Variants in TRAPPC2 observed in about 807,000 individuals in gnomAD.
TRAPPC2 encodes the protein sedlin.
TRAPPC2 carries 4 observed loss-of-function variants against 10.0 expected under a neutral mutation model. The ratio of observed to expected loss-of-function variants is 0.40; its 90% CI spans 0.20 to 0.92. The LOEUF (loss-of-function observed/expected upper bound fraction) is 0.92. Ranked by LOEUF, TRAPPC2 falls within the 40% of genes least tolerant of loss-of-function variation. The probability of loss-of-function intolerance (pLI) is 0.35; values close to 1 mark genes in which losing one functional copy is unlikely to be tolerated. For missense variants in TRAPPC2, 52 were observed against 108.7 expected, an observed-to-expected ratio of 0.48 and a Z score of 2.32; for synonymous variants, 36 against 37.3, an observed-to-expected ratio of 0.97 and a Z score of 0.12.
chrX:13,728,450 G>A (rs2046603110), intron 2 of TRAPPC2, among the ~76,000 whole-genome samples: 1 of 111,727 alleles, frequency 9.0e-6, no homozygotes, highest in East Asian at 2.8e-4. Context: ...TTCAACATAC[G>A]CAAATCGATA....
At position 13,713,267 on chromosome X, in the gene TRAPPC2, T is replaced by G. The variant is rs1327574929; in HGVS notation, c.*1140A>C. On this transcript the variant is annotated 3_prime_UTR_variant, in exon 6 of 6. Transcript: ENST00000380579. The stretch of plus-strand genomic sequence containing the variant: ...GAGTTTGAAACCAGCCCGGCCAAAA[T>G]AGCGAAACCCCGTCTCTACTAAAAA... The G allele has an allele frequency of 1.1e-4, 12 of 109,107 alleles. No individual in the cohort carries two copies. Among genetic ancestry groups the G allele is most frequent in the African/African-American group, 4.0e-4 (12 of 29,966 alleles). The allele number at this position is 109,107 out of a possible 1,213,427, so 9.0% of individuals were successfully genotyped here.
chrX:13,732,491 G>A (rs1400253557), intron 2 of TRAPPC2, among the ~76,000 whole-genome samples: 2 of 112,972 alleles, frequency 1.8e-5, no homozygotes, highest in Admixed American at 9.3e-5. Flanking sequence ...AGGAACTGGC[G>A]CTGAGAAAGA....
intron 2 of TRAPPC2, among the ~76,000 whole-genome samples, chrX:13,729,382 T>A (rs1438727832): frequency 8.9e-6 from 1 of 111,978 alleles, no homozygotes; most frequent in East Asian, 2.8e-4. Context: ...AACAGCATGG[T>A]ACTGGTACCG....
intron 3 of TRAPPC2, among the ~76,000 whole-genome samples, chrX:13,717,399 C>T (rs1025096042): frequency 4.5e-5 from 5 of 112,009 alleles, no homozygotes; most frequent in African/African-American, 9.7e-5. Flanking sequence ...AATGTGAAGA[C>T]GGAATTCAGA....
At chrX:13,718,153 G>A (rs949816464) in intron 3 of TRAPPC2, among the ~76,000 whole-genome samples, 3 of 112,628 alleles carry the variant, frequency 2.7e-5, no homozygotes, top group Admixed American at 9.3e-5. Context: ...GCTGTCCCAA[G>A]CCACTCAGTT....
intron 2 of TRAPPC2, among the ~76,000 whole-genome samples, chrX:13,724,238 T>C (rs1382995362): frequency 9.1e-6 from 1 of 109,940 alleles, no homozygotes; most frequent in Admixed American, 9.7e-5. Flanking sequence ...AACTTGGTGA[T>C]ACAAAGAGCT....
chrX:13,733,344 T>C (rs913207033), intron 2 of TRAPPC2, among the ~76,000 whole-genome samples: 1 of 111,664 alleles, frequency 9.0e-6, no homozygotes, highest in Non-Finnish European at 1.9e-5. Context: ...TCTGCTAGCG[T>C]TGACTCGTTT....
At position 13,714,308 on chromosome X, in the gene TRAPPC2, C is replaced by A; in HGVS notation, c.*99G>T. On this transcript the variant is annotated 3_prime_UTR_variant, in exon 6 of 6. Coordinates refer to ENST00000380579, the MANE Select transcript of TRAPPC2 (RefSeq NM_001011658.4). ...TAGGTTTAGATAAGCTGAGAATACA[C>A]AAAAGTTTTCCAGGCTATTTAATCA... 1 of 478,519 alleles carries A rather than the reference C, an allele frequency of 2.1e-6. No homozygotes were observed. The allele number at this position is 478,519 out of a possible 1,213,427, so 39.4% of individuals were successfully genotyped here.
At chrX:13,726,855 GA>G (rs1485082723) in intron 2 of TRAPPC2, among the ~76,000 whole-genome samples, 1 of 111,824 alleles carries the variant, frequency 8.9e-6, no homozygotes, top group Non-Finnish European at 1.9e-5. Context: ...CTGTATTCAG[GA>G]AACCCATCTG....
chrX:13,715,975 G>A (rs745524578), intron 5 of TRAPPC2, 29 bp downstream of exon 5: 4 of 1,163,727 alleles, frequency 3.4e-6, no homozygotes, highest in Non-Finnish European at 4.6e-6. Flanking sequence ...TTTCTCATCA[G>A]AATTTAAAAA....
At chrX:13,723,466 C>T (rs1290889021) in intron 2 of TRAPPC2, among the ~76,000 whole-genome samples, 1 of 111,875 alleles carries the variant, frequency 8.9e-6, no homozygotes, top group Non-Finnish European at 1.9e-5. Flanking sequence ...CCATGCCCGG[C>T]CTGATTCCAA....
intron 2 of TRAPPC2, among the ~76,000 whole-genome samples, chrX:13,730,051 A>G (rs750181493): frequency 8.9e-6 from 1 of 112,325 alleles, no homozygotes; most frequent in African/African-American, 3.2e-5. Context: ...CAATGACAAC[A>G]AAAGCCAAAA....
intron 2 of TRAPPC2, among the ~76,000 whole-genome samples, chrX:13,733,266 G>A (rs1001700813): frequency 3.6e-5 from 4 of 111,229 alleles, no homozygotes; most frequent in Non-Finnish European, 5.7e-5. Flanking sequence ...TCAGCTACAG[G>A]ATCATGTACT....
chrX:13,723,081 G>A (rs1401777457), intron 2 of TRAPPC2, among the ~76,000 whole-genome samples: 1 of 79,528 alleles, frequency 1.3e-5, no homozygotes, highest in Non-Finnish European at 2.3e-5. Flanking sequence ...TGGTGACAGA[G>A]CAAGACTCCA....
rs1017270658 is a variant in TRAPPC2 at position 13,717,057 on chromosome X, A to C, written c.94-379T>G. Among the ~76,000 whole-genome samples, 7 of 105,692 alleles carry C rather than the reference A, an allele frequency of 6.6e-5. No homozygotes were observed. The East Asian group carries it at 1.2e-3, about 18-fold the overall frequency. 91.8% of individuals were successfully genotyped at this position (105,692 alleles called of 115,157 possible). On this transcript the variant is annotated intron_variant, in intron 3 of 5. Coordinates refer to ENST00000380579, the MANE Select transcript of TRAPPC2 (RefSeq NM_001011658.4). ...GTTAAAAAAAAAAAAAAAAAAAAAA[A>C]AAAAAAACAAGATCCTGTGGAGAAG... is the stretch of plus-strand genomic sequence containing the variant.
At position 13,722,731 on chromosome X, in the gene TRAPPC2, C is replaced by T. The variant is rs1158505939; in HGVS notation, c.-19-2749G>A. ...CTGCGAGGACAGAAATGTTCTACACCTGTGCTGTCCAATATGTGAGCTAGT... is the reference window on the plus strand; with the variant it reads ...CTGCGAGGACAGAAATGTTCTACACTTGTGCTGTCCAATATGTGAGCTAGT... On this transcript the variant is annotated intron_variant, in intron 2 of 5. Transcript: ENST00000380579. Among the ~76,000 whole-genome samples, 8 of 112,097 alleles carry T rather than the reference C, an allele frequency of 7.1e-5. No individual in the cohort carries two copies. The Admixed American group carries it at 7.6e-4, about 11-fold the overall frequency.
chrX:13,729,203 C>T (rs967069733), intron 2 of TRAPPC2, among the ~76,000 whole-genome samples: 27 of 111,701 alleles, frequency 2.4e-4, no homozygotes, highest in Non-Finnish European at 4.5e-4. Context: ...ACTGCCATCC[C>T]CATCAAGCTA....
intron 2 of TRAPPC2, among the ~76,000 whole-genome samples, chrX:13,724,451 A>G (rs942816496): frequency 9.1e-6 from 1 of 110,143 alleles, no homozygotes; most frequent in East Asian, 2.8e-4. Flanking sequence ...AGGAAAAAGC[A>G]AGGGAGAAGG....
chrX:13,731,655 GACCCAGAAAGC>G (rs1192832884), intron 2 of TRAPPC2, among the ~76,000 whole-genome samples: 4 of 111,210 alleles, frequency 3.6e-5, no homozygotes, highest in African/African-American at 1.3e-4. Context: ...CAGTGCCAGG[GACCCAGAAAGC>G]ACTCATTATT....
Sources: allele counts gnomAD v4.1 joint callset (sites outside exome capture counted in the v4.1 genomes callset), GRCh38; gene constraint gnomAD v4.1.1; transcripts MANE v1.5; gene names NCBI Gene and HGNC (gene_info 2026-07-23, HGNC 2026-07-21).